The following TOX3 variants were observed in gnomAD, a reference collection of about 807,000 sequenced individuals.
TOX3 encodes the protein CAG trinucleotide repeat-containing gene F9 protein.
In TOX3, 22 loss-of-function variants were observed where a neutral mutation model predicts 64.3. The observed-to-expected ratio is 0.34, with a 90% CI of 0.24 to 0.49. The LOEUF (loss-of-function observed/expected upper bound fraction) is 0.49. Among genes scored for constraint, TOX3 ranks in the 20% least tolerant of loss-of-function variants. The pLI is 0.99. For synonymous variants in TOX3, 291 were observed against 273.6 expected, an observed-to-expected ratio of 1.06 and a Z score of -0.63; for missense variants, 661 against 714.4, an observed-to-expected ratio of 0.93 and a Z score of 0.85.
intron 1 of TOX3, among the ~76,000 whole-genome samples, chr16:52,492,247 A>G (rs1407980806): frequency 6.8e-6 from 1 of 146,934 alleles, no homozygotes; most frequent in African/African-American, 2.5e-5. Context: ...TTTATATTAT[A>G]TATTATACAA....
intron 2 of TOX3, among the ~76,000 whole-genome samples, chr16:52,467,800 G>A (rs1281971897): frequency 2.6e-5 from 4 of 152,174 alleles, no homozygotes; most frequent in South Asian, 2.1e-4. Context: ...AGTAAAAAGA[G>A]CAGCAAGAAG....
Position 52,444,372 on chromosome 16 carries a change from A to C in TOX3, c.907-16T>G, listed in dbSNP as rs757982622. 2 of 1,541,392 alleles carry C rather than the reference A, an allele frequency of 1.3e-6. No homozygotes were observed. The highest frequency in any genetic ancestry group is 1.8e-6 in the Non-Finnish European group (2 of 1,133,832). On this transcript the variant is annotated splice_polypyrimidine_tract_variant and intron_variant, in intron 5 of 6. Coordinates refer to ENST00000219746, the MANE Select transcript of TOX3 (RefSeq NM_001080430.4). ...TTTTATATACCTATTAAAAGACCAC[A>C]ATTAGCACCACCTTTAGCGTATAAA...
chr16:52,511,579 T>C (rs1406800952), intron 1 of TOX3, among the ~76,000 whole-genome samples: 2 of 152,098 alleles, frequency 1.3e-5, no homozygotes, highest in African/African-American at 4.8e-5. Context: ...GTCCTAAAAA[T>C]AGATGGTGAA....
At chr16:52,530,497 C>T (rs1009870736) in intron 1 of TOX3, among the ~76,000 whole-genome samples, 10 of 152,000 alleles carry the variant, frequency 6.6e-5, no homozygotes, top group Admixed American at 3.3e-4. Context: ...CCACCACGCC[C>T]GGCTACTTTT....
chr16:52,499,297 AC>A (rs898165386), intron 1 of TOX3, among the ~76,000 whole-genome samples: 2 of 152,166 alleles, frequency 1.3e-5, no homozygotes, highest in Non-Finnish European at 2.9e-5. Flanking sequence ...TTACTTCGAA[AC>A]GACATGCAAA....
At chr16:52,476,687 T>G (rs1961217538) in intron 1 of TOX3, among the ~76,000 whole-genome samples, 1 of 152,140 alleles carries the variant, frequency 6.6e-6, no homozygotes, top group African/African-American at 2.4e-5. Flanking sequence ...TTAATTCCAG[T>G]TTGTCTCCCT....
Position 52,471,851 on chromosome 16 carries a change from C to T in TOX3, c.88-3277G>A, listed in dbSNP as rs7195028. 3.8e-3 allele frequency among the ~76,000 whole-genome samples: 582 copies of T among 152,278 alleles called. 6 individuals carry two copies. Among genetic ancestry groups the T allele is most frequent in the African/African-American group, 0.014 (569 of 41,554 alleles). ...TAATTATCATCCCTATTTTATGGAT[C>T]AGTAGACTGAGGCTTCTAGGGCTCA... On this transcript the variant is annotated intron_variant, in intron 1 of 6. Coordinates refer to ENST00000219746, the MANE Select transcript of TOX3 (RefSeq NM_001080430.4).
intron 3 of TOX3, among the ~76,000 whole-genome samples, chr16:52,457,324 A>G (rs997727434): frequency 6.6e-6 from 1 of 152,168 alleles, no homozygotes; most frequent in Non-Finnish European, 1.5e-5. Context: ...AATGGCACTT[A>G]CACTTGGGTT....
chr16:52,461,422 C>T (rs556661064), intron 3 of TOX3, among the ~76,000 whole-genome samples: 4 of 152,190 alleles, frequency 2.6e-5, no homozygotes, highest in African/African-American at 9.6e-5. Context: ...TTTAATCCCC[C>T]TTTTTTGTTC....
At chr16:52,491,980 T>C (rs1033179814) in intron 1 of TOX3, among the ~76,000 whole-genome samples, 1 of 152,022 alleles carries the variant, frequency 6.6e-6, no homozygotes, top group African/African-American at 2.4e-5. Flanking sequence ...CCAGGAGCAG[T>C]AGGAAGCATT....
chr16:52,452,801 T>C (rs1238349008), intron 3 of TOX3, among the ~76,000 whole-genome samples: 1 of 152,198 alleles, frequency 6.6e-6, no homozygotes, highest in Admixed American at 6.5e-5. Context: ...GAATATTAAA[T>C]ACATACATTT....
intron 1 of TOX3, among the ~76,000 whole-genome samples, chr16:52,476,137 A>C (rs935912113): frequency 6.6e-6 from 1 of 152,200 alleles, no homozygotes; most frequent in Non-Finnish European, 1.5e-5. Context: ...TGAAGTGACC[A>C]TCCAGCCCCT....
chr16:52,484,046 T>A (rs998495508), intron 1 of TOX3, among the ~76,000 whole-genome samples: 1 of 152,152 alleles, frequency 6.6e-6, no homozygotes, highest in Non-Finnish European at 1.5e-5. Flanking sequence ...AATATCTAGA[T>A]AATAACATGG....
chr16:52,529,503 T>C (rs1962802753), intron 1 of TOX3, among the ~76,000 whole-genome samples: 1 of 152,216 alleles, frequency 6.6e-6, no homozygotes, highest in African/African-American at 2.4e-5. Flanking sequence ...GAGGTGACTT[T>C]TAAAAGCATA....
At chr16:52,513,758 T>A (rs1226155215) in intron 1 of TOX3, among the ~76,000 whole-genome samples, 3 of 152,232 alleles carry the variant, frequency 2.0e-5, no homozygotes, top group South Asian at 2.1e-4. Context: ...TGTTCACTGC[T>A]TATTTGACTC....
Position 52,468,532 on chromosome 16 carries a change from T to A in TOX3, c.130A>T (p.Asn44Tyr), listed in dbSNP as rs753295942. The change falls in exon 2 of 7, where the codon AAT (asparagine) becomes TAT (tyrosine). Residue 44 changes from asparagine to tyrosine, a missense_variant. By Grantham distance (143) the Asn-to-Tyr change is moderately radical. This residue lies in a region of TOX3 where 259 missense variants were observed against 261.2 expected (regional missense o/e 0.99). Transcript: ENST00000219746. ...NNYMNMAEAN[N>Y]AFFAASEQTF... ...ACCTCACTGGCAGCGAAGAACGCAT[T>A]GTTCGCCTCAGCCATATTCATATAG... 6.2e-7 allele frequency: 1 copy of A among 1,613,318 alleles called. No individual in the cohort carries two copies. The highest frequency in any genetic ancestry group is 1.1e-5 in the South Asian group (1 of 91,010).
In TOX3 at chr16:52,480,147, C is replaced by T. The variant is rs185012796; in HGVS notation, c.88-11573G>A. On this transcript the variant is annotated intron_variant, in intron 1 of 6. Coordinates refer to ENST00000219746, the MANE Select transcript of TOX3 (RefSeq NM_001080430.4). The stretch of plus-strand genomic sequence containing the variant: ...CACGATAGGTTCTCAATTGATAATG[C>T]AATGGCCTCAGGATCAACCCCAGGG... 1.2e-4 allele frequency among the ~76,000 whole-genome samples: 19 copies of T among 152,314 alleles called. No individual in the cohort carries two copies. The South Asian group carries it at 2.5e-3, about 20-fold the overall frequency.
In TOX3 at chr16:52,496,363, C is replaced by T. The variant is rs577515888; in HGVS notation, c.88-27789G>A. Among the ~76,000 whole-genome samples the T allele has an allele frequency of 1.1e-4, 17 of 152,264 alleles. 1 individual carries two copies. The South Asian group carries it at 3.5e-3, about 32-fold the overall frequency. On this transcript the variant is annotated intron_variant, in intron 1 of 6. Transcript: ENST00000219746. ...TGCTGCCTGGCTTCCACTGAGCACA[C>T]GCAACATACTATAAACTGTTATGAA...
At chr16:52,498,569 A>G (rs921694541) in intron 1 of TOX3, among the ~76,000 whole-genome samples, 4 of 152,028 alleles carry the variant, frequency 2.6e-5, no homozygotes, top group African/African-American at 9.7e-5. Flanking sequence ...TCCCTGTCAA[A>G]TCTGAACCTT....
Sources: allele counts gnomAD v4.1 joint callset (sites outside exome capture counted in the v4.1 genomes callset), GRCh38; gene constraint gnomAD v4.1.1; regional missense constraint gnomAD v4.1.1; transcripts MANE v1.5; gene names NCBI Gene and HGNC (gene_info 2026-07-23, HGNC 2026-07-21).